The following DMD variants were observed in gnomAD, a reference collection of about 807,000 sequenced individuals.
DMD encodes mutant dystrophin.
In DMD, 63 loss-of-function variants were observed where a neutral mutation model predicts 330.1. The ratio of observed to expected loss-of-function variants is 0.19; its 90% confidence interval spans 0.16 to 0.24. DMD has a LOEUF of 0.24. DMD is among the 10% of genes least tolerant of loss of function. The pLI, the probability that DMD is intolerant of heterozygous loss-of-function variation, is 1.00. For missense variants in DMD, 3,344 were observed against 2,684.1 expected (o/e 1.25, Z -5.43); for synonymous variants, 1,223 against 959.8 (o/e 1.27, Z -5.07).
intron 27 of DMD, among the ~76,000 whole-genome samples, chrX:32,444,510 C>A (rs1446855923): frequency 9.0e-6 from 1 of 111,087 alleles, no homozygotes; most frequent in African/African-American, 3.3e-5. Flanking sequence ...ATGGTAGAAT[C>A]CATACCTTAT....
chrX:31,388,832 G>A (rs761494359), intron 60 of DMD, among the ~76,000 whole-genome samples: 2 of 112,130 alleles, frequency 1.8e-5, no homozygotes, highest in East Asian at 5.6e-4. Context: ...AACCCGTGAG[G>A]TGGAGGTTGC....
chrX:32,672,857 G>A (rs5927094), intron 9 of DMD, among the ~76,000 whole-genome samples: 12,900 of 110,451 alleles, frequency 0.12, 1,057 homozygotes, highest in African/African-American at 0.3. Flanking sequence ...ACTGAGATAC[G>A]GAGCTGCAGT....
intron 41 of DMD, 63 bp downstream of exon 41, chrX:32,342,037 T>C (rs1393085991): frequency 9.4e-7 from 1 of 1,059,045 alleles, no homozygotes; most frequent in Non-Finnish European, 1.3e-6. Context: ...TTTTTATTAG[T>C]AGGCCTCTGT....
intron 30 of DMD, among the ~76,000 whole-genome samples, chrX:32,393,372 T>C (rs2098017670): frequency 9.0e-6 from 1 of 111,207 alleles, no homozygotes; most frequent in Admixed American, 9.7e-5. Flanking sequence ...GAAATGTAGG[T>C]AGAAATCAGG....
chrX:33,231,982 G>A (rs888401873), intron 1 of DMD, among the ~76,000 whole-genome samples: 2 of 110,871 alleles, frequency 1.8e-5, no homozygotes, highest in Admixed American at 1.9e-4. Context: ...TGACAGAGCA[G>A]AACAAAAAAG....
intron 23 of DMD, 59 bp from the exon 24 acceptor site, chrX:32,464,758 A>G (rs72468663): frequency 3.6e-6 from 3 of 825,450 alleles, no homozygotes; most frequent in Non-Finnish European, 5.5e-6. Flanking sequence ...AACACAATTC[A>G]TCATTGTGTT....
chrX:32,754,255 C>T (rs965869164), intron 7 of DMD, among the ~76,000 whole-genome samples: 5 of 110,860 alleles, frequency 4.5e-5, no homozygotes, highest in African/African-American at 1.6e-4. Context: ...ACAATTATCG[C>T]CATTTTACAG....
intron 51 of DMD, among the ~76,000 whole-genome samples, chrX:31,742,208 C>G (rs1390199518): frequency 2.7e-5 from 3 of 112,111 alleles, no homozygotes; most frequent in Non-Finnish European, 5.6e-5. Context: ...AAAATAAGGC[C>G]GTTCCACTTT....
intron 53 of DMD, among the ~76,000 whole-genome samples, chrX:31,659,441 C>A (rs1348833748): frequency 1.8e-5 from 2 of 109,196 alleles, no homozygotes; most frequent in Admixed American, 2.0e-4. Context: ...GAGTTCAAGA[C>A]CAGTCTGGCC....
chrX:32,162,400 C>T (rs977917027), intron 44 of DMD, among the ~76,000 whole-genome samples: 3 of 110,031 alleles, frequency 2.7e-5, no homozygotes, highest in Non-Finnish European at 5.7e-5. Flanking sequence ...TCCTCTACAA[C>T]CATGAACATA....
At chrX:32,413,710 C>G (rs866309799) in intron 29 of DMD, among the ~76,000 whole-genome samples, 1 of 78,579 alleles carries the variant, frequency 1.3e-5, no homozygotes, top group Non-Finnish European at 2.4e-5. Context: ...AAGCTCTATT[C>G]TTTTTTTTTT....
chrX:31,434,436 A>AGTG (rs2064354503), intron 60 of DMD, among the ~76,000 whole-genome samples: 1 of 91,128 alleles, frequency 1.1e-5, no homozygotes, highest in African/African-American at 4.0e-5. Context: ...ACACACACAC[A>AGTG]CACACACACA....
At chrX:32,359,907 A>C (rs1289042485) in intron 37 of DMD, among the ~76,000 whole-genome samples, 1 of 110,745 alleles carries the variant, frequency 9.0e-6, no homozygotes, top group Non-Finnish European at 1.9e-5. Flanking sequence ...TTAATACTTT[A>C]TTTTAAATAA....
intron 60 of DMD, among the ~76,000 whole-genome samples, chrX:31,390,094 G>A (rs2148783776): frequency 9.0e-6 from 1 of 110,879 alleles, no homozygotes; most frequent in Admixed American, 9.7e-5. Context: ...TTGGGAGGGT[G>A]TGGGATTCGT....
At chrX:32,900,573 G>A (rs2086147065) in intron 2 of DMD, among the ~76,000 whole-genome samples, 1 of 110,742 alleles carries the variant, frequency 9.0e-6, no homozygotes. Context: ...TCAAACTCCT[G>A]GACACAAGCA....
intron 23 of DMD, among the ~76,000 whole-genome samples, chrX:32,465,567 T>A (rs369605854): frequency 1.6e-5 from 1 of 63,581 alleles, no homozygotes; most frequent in African/African-American, 5.4e-5. Context: ...GTCTTTTTTT[T>A]TTTGTTTGTT....
chrX:32,750,062 C>A (rs931632021), intron 7 of DMD, among the ~76,000 whole-genome samples: 2 of 112,003 alleles, frequency 1.8e-5, no homozygotes, highest in Non-Finnish European at 3.8e-5. Flanking sequence ...ACCCATGAAA[C>A]CTAGTACATT....
At chrX:31,253,316 A>T (rs748582430) in intron 63 of DMD, among the ~76,000 whole-genome samples, 3 of 112,555 alleles carry the variant, frequency 2.7e-5, no homozygotes, top group African/African-American at 6.5e-5. Context: ...TGAGCAATAT[A>T]TTAAGGAACT....
intron 59 of DMD, among the ~76,000 whole-genome samples, chrX:31,476,420 T>C (rs192066542): frequency 0.17 from 15,835 of 91,796 alleles, 1,610 homozygotes; most frequent in East Asian, 0.31. Context: ...TATATATATA[T>C]ACACACACAC....
Sources: allele counts gnomAD v4.1 joint callset (sites outside exome capture counted in the v4.1 genomes callset), GRCh38; gene constraint gnomAD v4.1.1; transcripts MANE v1.5; gene names NCBI Gene and HGNC (gene_info 2026-07-23, HGNC 2026-07-21).